Variants in PDZD2 observed in about 807,000 individuals in gnomAD.
PDZD2 encodes the protein PDZ domain-containing protein 2.
A neutral mutation model predicts 220.7 loss-of-function variants in PDZD2; 90 were observed. The ratio of observed to expected loss-of-function variants is 0.41; its 90% CI spans 0.34 to 0.49. The LOEUF (loss-of-function observed/expected upper bound fraction) is 0.49, where lower values mean the gene tolerates loss of function less well. PDZD2 is among the 20% of genes least tolerant of loss of function. The pLI, the probability that PDZD2 is intolerant of heterozygous loss-of-function variation, is 0.28. For missense variants in PDZD2, 3,174 were observed against 3,608.5 expected, an observed-to-expected ratio of 0.88 and a Z score of 3.08; for synonymous variants, 1,375 against 1,450.5, an observed-to-expected ratio of 0.95 and a Z score of 1.18.
rs1339849636 is a variant in PDZD2, at chr5:32,072,297, G to C, written c.2705G>C (p.Ser902Thr). 6.2e-7 allele frequency: 1 copy of C among 1,613,226 alleles called. No homozygotes were observed. The highest frequency in any genetic ancestry group is 8.5e-7 in the Non-Finnish European group (1 of 1,179,642). ...GSGCSTSEEG[S>T]LPPSTSTHKE... ...GGCTGCAGCACGTCGGAGGAGGGCA[G>C]CCTGCCTCCCAGCACCTCCAGTAAG... The change falls in exon 17 of 25, where the codon AGC becomes ACC. Residue 902 changes from serine (S) to threonine (T), a missense_variant. By Grantham distance (58) the Ser-to-Thr change is moderately conservative. Around this residue, in one of 4 missense-constraint regions of PDZD2, gnomAD observed 1,861 missense variants for 2,001.0 expected, o/e 0.93. Coordinates refer to ENST00000438447, the MANE Select transcript of PDZD2 (RefSeq NM_178140.4).
At chr5:31,775,613 G>C (rs567450985) in intron 1 of PDZD2, among the ~76,000 whole-genome samples, 5 of 151,954 alleles carry the variant, frequency 3.3e-5, no homozygotes, top group African/African-American at 9.7e-5. Context: ...TTGAATGGGA[G>C]CTTTGGGAAA....
At chr5:31,978,715 A>C (rs1581202627) in intron 2 of PDZD2, among the ~76,000 whole-genome samples, 1 of 2,542 alleles carries the variant, frequency 3.9e-4, no homozygotes, top group Non-Finnish European at 1.2e-3. Flanking sequence ...ACTCCATCTC[A>C]AAAAAAAAAA....
Position 32,087,297 on chromosome 5 carries a change from G to C in PDZD2, c.3849G>C (p.Arg1283Ser). 1.2e-6 allele frequency: 2 copies of C among 1,614,056 alleles called. No homozygotes were observed. The highest frequency in any genetic ancestry group is 1.3e-5 in the African/African-American group (1 of 75,042). The change falls in exon 20 of 25, where the codon AGG becomes AGC. Residue 1283 changes from arginine to serine, a missense_variant. Around this residue, in one of 4 missense-constraint regions of PDZD2, gnomAD observed 1,861 missense variants for 2,001.0 expected, o/e 0.93. Coordinates refer to ENST00000438447, the MANE Select transcript of PDZD2 (RefSeq NM_178140.4). This position sits in a 1 kb window ranked among gnomAD's most constrained non-coding sequence, Gnocchi z 4.0. ...AGTGCAAGGCCAGGTCTCCAGTCAG[G>C]CTCCCCCATGAGGGCAGCCCCTCCC... ...VTKCKARSPV[R>S]LPHEGSPSPG...
At chr5:31,757,853 C>A (rs1751390485) in intron 1 of PDZD2, among the ~76,000 whole-genome samples, 2 of 152,240 alleles carry the variant, frequency 1.3e-5, no homozygotes, top group Non-Finnish European at 2.9e-5. Flanking sequence ...TCCCTCCCCG[C>A]AAAGCCACCC....
intron 1 of PDZD2, among the ~76,000 whole-genome samples, chr5:31,782,760 C>G: frequency 7.6e-6 from 1 of 130,802 alleles, no homozygotes; most frequent in African/African-American, 2.9e-5. Context: ...ATCACCCAGG[C>G]TGGAGTGAAG....
At chr5:31,999,120 G>A (rs181020419) in intron 4 of PDZD2, among the ~76,000 whole-genome samples, 2 of 152,362 alleles carry the variant, frequency 1.3e-5, no homozygotes, top group East Asian at 3.9e-4. Flanking sequence ...AGAAAGTTGA[G>A]TCAGGCATAA....
At chr5:31,735,869 C>T (rs1393415373) in intron 1 of PDZD2, among the ~76,000 whole-genome samples, 2 of 152,116 alleles carry the variant, frequency 1.3e-5, no homozygotes, top group African/African-American at 4.8e-5. Context: ...TGCTTGAACC[C>T]GGAAGGCAGA....
chr5:31,875,203 A>C (rs1180489949), intron 2 of PDZD2, among the ~76,000 whole-genome samples: 4 of 152,010 alleles, frequency 2.6e-5, no homozygotes, highest in Non-Finnish European at 4.4e-5. Flanking sequence ...GTAATTTTTC[A>C]TATTTAGGGC....
chr5:32,073,911 G>T lies in PDZD2; in HGVS notation c.2805G>T (p.Lys935Asn). The change falls in exon 18 of 25, where the codon AAG becomes AAT. Residue 935 changes from lysine to asparagine, a missense_variant. By Grantham distance (94) the Lys-to-Asn change is moderately conservative. Around this residue, in one of 4 missense-constraint regions of PDZD2, gnomAD observed 1,861 missense variants for 2,001.0 expected, o/e 0.93. Coordinates refer to ENST00000438447, the MANE Select transcript of PDZD2 (RefSeq NM_178140.4). ...GSHRASGLFH[K>N]QVTVARQASL... is the part of the protein sequence containing the mutation. ...ATCGGGCTTCTGGGCTCTTCCACAA[G>T]CAGGTGACAGTTGCCAGACAAGCCA... 1.9e-6 allele frequency: 3 copies of T among 1,614,086 alleles called. No individual in the cohort carries two copies. Among genetic ancestry groups the T allele is most frequent in the Non-Finnish European group, 2.5e-6 (3 of 1,179,988 alleles).
chr5:31,955,017 G>T (rs1322734621), intron 2 of PDZD2, among the ~76,000 whole-genome samples: 1 of 152,170 alleles, frequency 6.6e-6, no homozygotes, highest in African/African-American at 2.4e-5. Flanking sequence ...CCCCGCCGGG[G>T]TTGAGCACTG....
chr5:31,797,178 T>C (rs1754097579), intron 1 of PDZD2, among the ~76,000 whole-genome samples: 1 of 147,996 alleles, frequency 6.8e-6, no homozygotes, highest in African/African-American at 2.5e-5. Flanking sequence ...CTCCTGACCT[T>C]GTGATCCGCC....
chr5:31,959,389 C>T (rs899019283), intron 2 of PDZD2, among the ~76,000 whole-genome samples: 8 of 151,788 alleles, frequency 5.3e-5, no homozygotes, highest in Admixed American at 3.3e-4. Flanking sequence ...GACAGAGTCT[C>T]ACTCTGTTGT....
intron 1 of PDZD2, among the ~76,000 whole-genome samples, chr5:31,692,522 C>T (rs1747186394): frequency 6.6e-6 from 1 of 152,248 alleles, no homozygotes; most frequent in Non-Finnish European, 1.5e-5. Flanking sequence ...CAGGCTGTCA[C>T]CTCTCAGCCT....
chr5:32,068,668 T>C (rs438135), intron 14 of PDZD2, among the ~76,000 whole-genome samples: 15,086 of 152,264 alleles, frequency 0.099, 948 homozygotes, highest in South Asian at 0.29. Context: ...ATATGAAATC[T>C]ATGTTACACA....
intron 13 of PDZD2, among the ~76,000 whole-genome samples, chr5:32,060,104 G>C (rs1179428328): frequency 6.6e-6 from 1 of 152,122 alleles, no homozygotes; most frequent in Non-Finnish European, 1.5e-5. Flanking sequence ...GGCATTCATT[G>C]AGGTTGCCAT....
At chr5:31,850,082 ATAAGTATATATACG>A (rs1757925712) in intron 2 of PDZD2, among the ~76,000 whole-genome samples, 1 of 138,340 alleles carries the variant, frequency 7.2e-6, no homozygotes, top group Non-Finnish European at 1.5e-5. Context: ...ATGTGTATAT[ATAAGTATATATACG>A]TGTATATATA....
At chr5:31,942,234 A>G (rs150979169) in intron 2 of PDZD2, among the ~76,000 whole-genome samples, 1,628 of 152,250 alleles carry the variant, frequency 0.011, 31 homozygotes, top group African/African-American at 0.037. Context: ...CCTGGAACCA[A>G]GATAGGTGGA....
Position 32,059,316 on chromosome 5 carries a change from C to G in PDZD2, c.2278C>G (p.Leu760Val). 8 of 1,612,984 alleles carry G rather than the reference C, an allele frequency of 5.0e-6. No individual in the cohort carries two copies. Among genetic ancestry groups the G allele is most frequent in the Non-Finnish European group, 5.9e-6 (7 of 1,178,946 alleles). The change falls in exon 13 of 25, where the codon CTT becomes GTT. Residue 760 changes from leucine (L) to valine (V), a missense_variant. Leu to Val is a conservative substitution (Grantham distance 32, BLOSUM62 1). Transcript: ENST00000438447. ...TCCTCCTGGCATCTACATTCACAGC[C>G]TTGCTCCAGGATCAGTGGCCAAGAT... Reference protein sequence around the residue: ...NSPPGIYIHSLAPGSVAKMES... With the variant: ...NSPPGIYIHSVAPGSVAKMES...
intron 2 of PDZD2, chr5:31,841,005 CATT>C: frequency 5.6e-6 from 2 of 360,324 alleles, no homozygotes; most frequent in Non-Finnish European, 1.0e-5. Context: ...CGGTTCCACT[CATT>C]ATATTTTTGA....
Sources: allele counts gnomAD v4.1 joint callset (sites outside exome capture counted in the v4.1 genomes callset), GRCh38; gene constraint gnomAD v4.1.1; regional missense constraint gnomAD v4.1.1; non-coding constraint Gnocchi (gnomAD v3.1); transcripts MANE v1.5; gene names NCBI Gene and HGNC (gene_info 2026-07-23, HGNC 2026-07-21).